Variants in FRMD4A observed in about 807,000 individuals in gnomAD.
The protein encoded by FRMD4A is FERM domain containing 4A.
A neutral mutation model predicts 129.1 loss-of-function variants in FRMD4A; 29 were observed. The ratio of observed to expected loss-of-function variants is 0.22; its 90% CI spans 0.17 to 0.31. FRMD4A has a LOEUF of 0.31. FRMD4A is among the 10% of genes least tolerant of loss of function. FRMD4A has a pLI of 1.00. For synonymous variants in FRMD4A, 634 were observed against 571.6 expected (o/e 1.11, Z -1.56); for missense variants, 1,272 against 1,375.8 (o/e 0.92, Z 1.19).
At chr10:14,172,331 A>T (rs1216189189) in intron 2 of FRMD4A, among the ~76,000 whole-genome samples, 2 of 152,188 alleles carry the variant, frequency 1.3e-5, no homozygotes, top group Non-Finnish European at 2.9e-5. Flanking sequence ...TTTATTAGAC[A>T]ATATGATGAT....
At chr10:14,288,117 C>T (rs542100650) in intron 2 of FRMD4A, among the ~76,000 whole-genome samples, 1 of 152,120 alleles carries the variant, frequency 6.6e-6, no homozygotes, top group Non-Finnish European at 1.5e-5. Context: ...CTCTCATCAC[C>T]CTTTTCATCT....
chr10:14,271,710 A>C (rs1376322461), intron 2 of FRMD4A, among the ~76,000 whole-genome samples: 1 of 152,230 alleles, frequency 6.6e-6, no homozygotes, highest in Non-Finnish European at 1.5e-5. Context: ...TGCATTAAAT[A>C]TCTTTCTTAT....
chr10:13,656,841 G>A lies in FRMD4A; in HGVS notation c.2748C>T (p.Asp916=), dbSNP rs1352234458. 4.6e-6 allele frequency: 7 copies of A among 1,520,852 alleles called. No homozygotes were observed. In the Admixed American group the frequency reaches 1.1e-4, roughly 23 times the overall value. The allele number at this position is 1,520,852 out of a possible 1,614,324, so 94.2% of individuals were successfully genotyped here. A position where few individuals can be genotyped will look rare whatever the true frequency, so the allele number is the denominator to read the frequency against. The change falls in exon 22 of 25, where the codon GAC becomes GAT. Residue 916 remains aspartate (D), a synonymous_variant. Coordinates refer to ENST00000357447, the MANE Select transcript of FRMD4A (RefSeq NM_018027.5). ...TPSLGREGAH[D]KGAGRAAVSD... ...AGACGGCGGCACGGCCCGCGCCCTT[G>A]TCGTGGGCGCCCTCGCGGCCCAGCG...
At chr10:13,929,612 G>T (rs953668102) in intron 2 of FRMD4A, among the ~76,000 whole-genome samples, 3 of 152,178 alleles carry the variant, frequency 2.0e-5, no homozygotes, top group African/African-American at 7.2e-5. Flanking sequence ...AAAATTGGGG[G>T]ACAGTAGGGA....
intron 3 of FRMD4A, among the ~76,000 whole-genome samples, chr10:13,840,702 C>G (rs1319346565): frequency 6.8e-6 from 1 of 146,614 alleles, no homozygotes; most frequent in Non-Finnish European, 1.5e-5. Context: ...GCATGAGAAT[C>G]GCTTGAACCC....
At chr10:13,880,426 T>C (rs534076792) in intron 2 of FRMD4A, among the ~76,000 whole-genome samples, 1 of 152,324 alleles carries the variant, frequency 6.6e-6, no homozygotes, top group East Asian at 1.9e-4. Flanking sequence ...ATTGTCATCA[T>C]TTGTCTGGAT....
At chr10:14,242,689 G>A (rs1160208594) in intron 2 of FRMD4A, among the ~76,000 whole-genome samples, 4 of 152,334 alleles carry the variant, frequency 2.6e-5, no homozygotes, top group Admixed American at 6.5e-5. Context: ...GAGGGACCCT[G>A]TCCTTCGTAC....
Position 14,215,050 on chromosome 10 carries a change from CAT to C in FRMD4A, c.45+115006_45+115007del, listed in dbSNP as rs1843033916. On this transcript the variant is annotated intron_variant, in intron 2 of 24. Coordinates refer to ENST00000357447, the MANE Select transcript of FRMD4A (RefSeq NM_018027.5). Reference sequence around the variant, plus strand: ...TCACTTAATGAGATTAAAGATAAAACATATACAGTTTTAAAACACCAACAGTT... The same window carrying C: ...TCACTTAATGAGATTAAAGATAAAACATACAGTTTTAAAACACCAACAGTT... 2.0e-5 allele frequency among the ~76,000 whole-genome samples: 3 copies of C among 152,124 alleles called. No homozygotes were observed. In the South Asian group the frequency reaches 6.2e-4, roughly 32 times the overall value.
chr10:14,225,641 G>A (rs4517418), intron 2 of FRMD4A, among the ~76,000 whole-genome samples: 1 of 152,206 alleles, frequency 6.6e-6, no homozygotes, highest in Non-Finnish European at 1.5e-5. Flanking sequence ...GAACACATCA[G>A]GCTATTGCAG....
chr10:13,986,580 T>A (rs914825518), intron 2 of FRMD4A, among the ~76,000 whole-genome samples: 1 of 146,498 alleles, frequency 6.8e-6, no homozygotes, highest in Non-Finnish European at 1.5e-5. Flanking sequence ...CACACCAGCA[T>A]GGCACATGTA....
chr10:13,880,190 A>G (rs1358586), intron 2 of FRMD4A, among the ~76,000 whole-genome samples: 152,086 of 152,108 alleles, frequency 1, 76,032 homozygotes, highest in Middle Eastern at 1. Context: ...TCCCAAGCTC[A>G]GCGAGTCCCA....
chr10:14,132,699 C>A (rs908451251), intron 2 of FRMD4A, among the ~76,000 whole-genome samples: 2 of 152,154 alleles, frequency 1.3e-5, no homozygotes, highest in African/African-American at 4.8e-5. Context: ...GGTGAGCAGC[C>A]CAGGGCTGTC....
At chr10:13,772,387 G>T (rs2092483388) in intron 6 of FRMD4A, among the ~76,000 whole-genome samples, 1 of 151,740 alleles carries the variant, frequency 6.6e-6, no homozygotes, top group South Asian at 2.1e-4. Flanking sequence ...GAGGGTTCAG[G>T]GCCAGCTGGC....
At chr10:13,774,653 T>C (rs1290172774) in intron 6 of FRMD4A, among the ~76,000 whole-genome samples, 1 of 152,102 alleles carries the variant, frequency 6.6e-6, no homozygotes, top group Admixed American at 6.6e-5. Context: ...AGAACCAGCT[T>C]GCGACGGGAT....
At chr10:13,918,867 T>TA (rs199854964) in intron 2 of FRMD4A, among the ~76,000 whole-genome samples, 12,566 of 149,298 alleles carry the variant, frequency 0.084, 604 homozygotes, top group East Asian at 0.24. Flanking sequence ...TGGTTTTTTG[T>TA]AAGAAAAAAA....
intron 15 of FRMD4A, among the ~76,000 whole-genome samples, chr10:13,689,198 C>CGGGGGGGGGGG (rs61670615): frequency 2.9e-5 from 2 of 68,060 alleles, no homozygotes; most frequent in African/African-American, 9.0e-5. Flanking sequence ...AAACTCTTTG[C>CGGGGGGGGGGG]GGGGGGGGGG....
rs537653571 is a variant in FRMD4A at position 13,939,677 on chromosome 10, A to G, written c.46-80765T>C. Reference sequence around the variant, plus strand: ...TAGAATGGAACAAAATCCTGGAATTACTTTGCAGAGCCAACAACAACAAGA... The same window carrying G: ...TAGAATGGAACAAAATCCTGGAATTGCTTTGCAGAGCCAACAACAACAAGA... On this transcript the variant is annotated intron_variant, in intron 2 of 24. Coordinates refer to ENST00000357447, the MANE Select transcript of FRMD4A (RefSeq NM_018027.5). Among the ~76,000 whole-genome samples the G allele has an allele frequency of 1.4e-4, 21 of 152,358 alleles. 1 individual carries two copies. In the South Asian group the frequency reaches 2.5e-3, roughly 18 times the overall value.
At chr10:14,001,439 C>T (rs1185001536) in intron 2 of FRMD4A, among the ~76,000 whole-genome samples, 1 of 152,162 alleles carries the variant, frequency 6.6e-6, no homozygotes, top group Non-Finnish European at 1.5e-5. Flanking sequence ...GGAGTCCTGA[C>T]CATTTGCATA....
intron 4 of FRMD4A, among the ~76,000 whole-genome samples, chr10:13,800,890 T>A (rs1250113738): frequency 6.6e-6 from 1 of 152,232 alleles, no homozygotes; most frequent in Non-Finnish European, 1.5e-5. Context: ...TGACTGGCAA[T>A]TCCTTTGTTC....
Sources: allele counts gnomAD v4.1 joint callset (sites outside exome capture counted in the v4.1 genomes callset), GRCh38; gene constraint gnomAD v4.1.1; transcripts MANE v1.5; gene names NCBI Gene and HGNC (gene_info 2026-07-23, HGNC 2026-07-21).